The following SEL1L3 variants were observed in gnomAD, a reference collection of about 807,000 sequenced individuals.
The protein encoded by SEL1L3 is protein sel-1 homolog 3.
Under a neutral mutation model 142.8 loss-of-function variants are expected in SEL1L3, and 76 were observed. The observed-to-expected ratio is 0.53, with a 90% CI of 0.44 to 0.64. The LOEUF is 0.64. Among genes scored for constraint, SEL1L3 ranks in the 30% least tolerant of loss-of-function variants. The pLI, the probability that SEL1L3 is intolerant of heterozygous loss-of-function variation, is 0.00. For synonymous variants in SEL1L3, 504 were observed against 519.6 expected, an observed-to-expected ratio of 0.97 and a Z score of 0.41; for missense variants, 1,262 against 1,381.7, an observed-to-expected ratio of 0.91 and a Z score of 1.37.
At chr4:25,762,932 T>C (rs542655073) in intron 20 of SEL1L3, among the ~76,000 whole-genome samples, 45 of 148,670 alleles carry the variant, frequency 3.0e-4, no homozygotes, top group African/African-American at 1.0e-3. Flanking sequence ...GCCGAGATCA[T>C]GCCACTGCAC....
At chr4:25,745,247 T>C (rs1367323096), downstream of SEL1L3, among the ~76,000 whole-genome samples, 2 of 151,732 alleles carry the variant, frequency 1.3e-5, no homozygotes, top group African/African-American at 4.8e-5. Context: ...ATACAAAAAT[T>C]AGGTGGGCAT....
chr4:25,732,231 A>C, the SEL1L3 span, among the ~76,000 whole-genome samples: 4 of 152,234 alleles, frequency 2.6e-5, no homozygotes, highest in Non-Finnish European at 5.9e-5. Context: ...AGATTTAGCA[A>C]ATAAAAATAC....
intron 23 of SEL1L3, among the ~76,000 whole-genome samples, chr4:25,752,016 G>A (rs1717624994): frequency 6.6e-6 from 1 of 150,762 alleles, no homozygotes; most frequent in Non-Finnish European, 1.5e-5. Flanking sequence ...GGCTGAGGCA[G>A]GAGAATCGCT....
intron 1 of SEL1L3, among the ~76,000 whole-genome samples, chr4:25,850,440 A>T (rs1716805971): frequency 6.6e-6 from 1 of 152,228 alleles, no homozygotes; most frequent in Non-Finnish European, 1.5e-5. Flanking sequence ...CAGATAACAC[A>T]TCGTACTGAC....
At chr4:25,738,013 CTGA>C in the SEL1L3 span, among the ~76,000 whole-genome samples, 2 of 152,068 alleles carry the variant, frequency 1.3e-5, no homozygotes. Flanking sequence ...CCTCAGCCGC[CTGA>C]GTAGCTGGGA....
At chr4:25,777,710 G>A (rs1223729418) in intron 16 of SEL1L3, 15 of 407,032 alleles carry the variant, frequency 3.7e-5, no homozygotes, top group Non-Finnish European at 6.3e-5. Context: ...CACAAAACAT[G>A]AATATTCATG....
intron 15 of SEL1L3, among the ~76,000 whole-genome samples, chr4:25,781,411 G>A (rs928215273): frequency 1.3e-5 from 2 of 151,996 alleles, no homozygotes; most frequent in African/African-American, 4.8e-5. Context: ...GTGGAGGTGG[G>A]CGGATCACTT....
intron 11 of SEL1L3, among the ~76,000 whole-genome samples, chr4:25,791,218 G>A (rs766527117): frequency 1.3e-5 from 2 of 152,032 alleles, no homozygotes; most frequent in South Asian, 2.1e-4. Flanking sequence ...CTTTTATTTC[G>A]CAGGTTCTGC....
Position 25,819,836 on chromosome 4 carries a change from T to C in SEL1L3, c.1395A>G (p.Ala465=), listed in dbSNP as rs1327562394. Residue 465 remains alanine (A), a synonymous_variant, in exon 8 of 24, where the codon GCA becomes GCG. Transcript: ENST00000399878. The part of the protein sequence containing the change: ...QEIVSVYASA[A]KHGGERQEAC... ...CTTCTTGTCTCTCGCCCCCGTGCTT[T>C]GCTGCAGATGCATACACAGATACTA... is the stretch of plus-strand genomic sequence containing the variant. The C allele has an allele frequency of 1.9e-6, 3 of 1,612,574 alleles. No individual in the cohort carries two copies. Among genetic ancestry groups the C allele is most frequent in the Non-Finnish European group, 2.5e-6 (3 of 1,179,460 alleles).
chr4:25,769,077 G>A (rs1468368735), intron 17 of SEL1L3, among the ~76,000 whole-genome samples: 1 of 152,038 alleles, frequency 6.6e-6, no homozygotes, highest in Non-Finnish European at 1.5e-5. Context: ...TTATCCAGAA[G>A]TAGTTTCTTA....
At chr4:25,825,178 C>T (rs551731599) in intron 6 of SEL1L3, among the ~76,000 whole-genome samples, 99 of 152,278 alleles carry the variant, frequency 6.5e-4, no homozygotes, top group African/African-American at 2.3e-3. Context: ...TACTTGGTCC[C>T]TAGGGCACTG....
intron 16 of SEL1L3, among the ~76,000 whole-genome samples, chr4:25,778,457 T>G (rs1374530460): frequency 1.3e-5 from 2 of 151,792 alleles, no homozygotes; most frequent in Non-Finnish European, 2.9e-5. Context: ...CAATAAAAAA[T>G]AAGTAGCAAT....
chr4:25,800,283 C>T (rs1295524571), intron 11 of SEL1L3, among the ~76,000 whole-genome samples: 1 of 152,148 alleles, frequency 6.6e-6, no homozygotes, highest in Non-Finnish European at 1.5e-5. Context: ...ACATATGACA[C>T]CTGTTTAAAT....
chr4:25,720,378 C>A, the SEL1L3 span: 1 of 152,046 alleles, frequency 6.6e-6, no homozygotes, highest in African/African-American at 2.4e-5. Flanking sequence ...GTGGGATCCA[C>A]AATGCTATTA....
At chr4:25,762,848 C>T (rs1406553285) in intron 20 of SEL1L3, among the ~76,000 whole-genome samples, 16 of 151,934 alleles carry the variant, frequency 1.1e-4, no homozygotes, top group East Asian at 1.9e-4. Context: ...TGTGGTGGCG[C>T]GCCTGTAGTC....
At chr4:25,757,819 G>T in intron 21 of SEL1L3, 29 bp from the exon 22 acceptor site, 1 of 1,524,296 alleles carries the variant, frequency 6.6e-7, no homozygotes, top group Non-Finnish European at 8.9e-7. Context: ...GCATCTTGAC[G>T]TGTCAGCCAA....
intron 20 of SEL1L3, among the ~76,000 whole-genome samples, chr4:25,764,357 G>A (rs1718579213): frequency 1.3e-5 from 2 of 152,338 alleles, no homozygotes; most frequent in South Asian, 4.1e-4. Context: ...TCTACATGAA[G>A]TCTGAAGTGT....
intron 9 of SEL1L3, among the ~76,000 whole-genome samples, chr4:25,806,994 A>G (rs1713629243): frequency 6.6e-6 from 1 of 152,208 alleles, no homozygotes. Flanking sequence ...CTTCCTTCGT[A>G]TATACAATAA....
At chr4:25,863,377 C>G (rs1287091621), upstream of SEL1L3, 1 of 674,728 alleles carries the variant, frequency 1.5e-6, no homozygotes, top group African/African-American at 1.8e-5. Context: ...TCCTCCCTTT[C>G]CTCTTTCTCC....
Sources: gnomAD v4.1 joint callset for allele counts (sites outside exome capture counted in the v4.1 genomes callset) on GRCh38, gnomAD v4.1.1 for gene constraint, MANE v1.5 for transcripts, NCBI Gene and HGNC (gene_info 2026-07-23, HGNC 2026-07-21) for gene names.